LMBR1: variants seen among roughly 807,000 people sequenced by gnomAD.
LMBR1 encodes the protein limb development membrane protein 1.
Under a neutral mutation model 73.9 loss-of-function variants are expected in LMBR1, and 52 were observed. The observed-to-expected ratio is 0.70, with a 90% CI of 0.56 to 0.89. The LOEUF is 0.89. Ranked by LOEUF, LMBR1 falls within the 40% of genes least tolerant of loss-of-function variation. The probability of loss-of-function intolerance (pLI) is 0.00; values close to 1 mark genes in which losing one functional copy is unlikely to be tolerated. For missense variants in LMBR1, 539 were observed against 579.8 expected (o/e 0.93, Z 0.72); for synonymous variants, 215 against 209.4 (o/e 1.03, Z -0.23).
chr7:156,833,927 T>C, intron 2 of LMBR1, 135 bp from the exon 3 acceptor site: 1 of 602,014 alleles, frequency 1.7e-6, no homozygotes, highest in South Asian at 2.3e-5. Context: ...AGCACTGTAT[T>C]TGTTTCAGCA....
intron 1 of LMBR1, among the ~76,000 whole-genome samples, chr7:156,889,325 G>A (rs1802498534): frequency 2.6e-5 from 4 of 151,892 alleles, no homozygotes; most frequent in Middle Eastern, 3.4e-3. Flanking sequence ...TGTATTTAAC[G>A]CCACTGAACT....
intron 4 of LMBR1, among the ~76,000 whole-genome samples, chr7:156,811,372 G>A (rs1833066534): frequency 6.6e-6 from 1 of 151,844 alleles, no homozygotes; most frequent in Admixed American, 6.6e-5. Context: ...AGCACTTTGG[G>A]AGGCCGAGGC....
chr7:156,833,895 T>C (rs569621235), intron 2 of LMBR1, 103 bp from the exon 3 acceptor site: 3 of 738,162 alleles, frequency 4.1e-6, no homozygotes, highest in Admixed American at 6.5e-5. Flanking sequence ...AGGCAATTAT[T>C]GAACAGAAAC....
At position 156,670,599 on chromosome 7, in the gene LMBR1, C is replaced by G. The variant is rs575709634; in HGVS notation, n.867-1312G>C. Among the ~76,000 whole-genome samples the G allele has an allele frequency of 6.6e-6, 1 of 152,146 alleles. No individual in the cohort carries two copies. The highest frequency in any genetic ancestry group is 1.5e-5 in the Non-Finnish European group (1 of 68,038). ...TAGTGAGCCTGCAGAACACAAAGCACGGAGTCATCTTGGAAGTGGCCAGGA... is the reference window on the plus strand; with the variant it reads ...TAGTGAGCCTGCAGAACACAAAGCAGGGAGTCATCTTGGAAGTGGCCAGGA... On this transcript the variant is annotated intron_variant and non_coding_transcript_variant, in intron 4 of 4. Coordinates refer to the LMBR1 transcript ENST00000430825. This position sits in a 1 kb window ranked among gnomAD's most constrained non-coding sequence, Gnocchi z 4.3.
chr7:156,702,695 G>C (rs1178689041), intron 15 of LMBR1, among the ~76,000 whole-genome samples: 2 of 152,198 alleles, frequency 1.3e-5, no homozygotes, highest in East Asian at 1.9e-4. Flanking sequence ...AGCAGAGAAG[G>C]TTTTTTAAAA....
intron 5 of LMBR1, among the ~76,000 whole-genome samples, chr7:156,791,448 A>G (rs1033688894): frequency 3.9e-5 from 6 of 152,138 alleles, no homozygotes; most frequent in African/African-American, 9.7e-5. Flanking sequence ...CACTGGGGGG[A>G]AAAAGTCATC....
chr7:156,871,122 C>T (rs899569996), intron 1 of LMBR1, among the ~76,000 whole-genome samples: 1 of 152,066 alleles, frequency 6.6e-6, no homozygotes, highest in Admixed American at 6.5e-5. Context: ...ACAACTGATG[C>T]CTCCAAAATA....
intron 1 of LMBR1, among the ~76,000 whole-genome samples, chr7:156,889,946 G>C (rs1312573672): frequency 6.6e-6 from 1 of 152,112 alleles, no homozygotes; most frequent in Non-Finnish European, 1.5e-5. Flanking sequence ...CAAGGCTGCA[G>C]TGAGCCATGA....
At chr7:156,691,943 C>A (rs1807280222) in intron 15 of LMBR1, among the ~76,000 whole-genome samples, 1 of 152,146 alleles carries the variant, frequency 6.6e-6, no homozygotes, top group Non-Finnish European at 1.5e-5. Flanking sequence ...AATCTACAGT[C>A]ATTTTAAAAC....
chr7:156,681,363 T>C lies in LMBR1; in HGVS notation c.*2715A>G. ...ACCTTAGTGCAGCAATTTAAGGAGC[T>C]AACATTAGTGTGTATGTGTGTACAA... On this transcript the variant is annotated 3_prime_UTR_variant, in exon 17 of 17. Transcript: ENST00000353442. 1 of 289,864 alleles carries C rather than the reference T, an allele frequency of 3.4e-6. No individual in the cohort carries two copies. Among genetic ancestry groups the C allele is most frequent in the Non-Finnish European group, 6.7e-6 (1 of 149,584 alleles). 18.0% of individuals were successfully genotyped at this position (289,864 alleles called of 1,614,324 possible).
chr7:156,704,227 A>G (rs1810418456), intron 15 of LMBR1, among the ~76,000 whole-genome samples: 1 of 152,184 alleles, frequency 6.6e-6, no homozygotes, highest in Non-Finnish European at 1.5e-5. Flanking sequence ...ACTGCTACCA[A>G]TGAAACCTGA....
At chr7:156,824,500 A>G (rs1033177905) in intron 4 of LMBR1, among the ~76,000 whole-genome samples, 1 of 152,212 alleles carries the variant, frequency 6.6e-6, no homozygotes, top group Non-Finnish European at 1.5e-5. Context: ...AAGAATATAC[A>G]TTATTAGTCT....
Position 156,833,983 on chromosome 7 carries a change from G to C in LMBR1, c.140-191C>G, listed in dbSNP as rs17837699. On this transcript the variant is annotated intron_variant, in intron 2 of 16. Coordinates refer to ENST00000353442, the MANE Select transcript of LMBR1 (RefSeq NM_022458.4). ...ATTAAATCAAGTAGTATGGTATATA[G>C]AGAATGGGATGTTTCAATTAACAAA... is the stretch of plus-strand genomic sequence containing the variant. Among the ~76,000 whole-genome samples, 4,507 of 152,198 alleles carry C rather than the reference G, an allele frequency of 0.03. 231 individuals carry two copies. Among genetic ancestry groups the C allele is most frequent in the East Asian group, 0.22 (1,155 of 5,180 alleles).
At chr7:156,778,894 A>C (rs1032321694) in intron 5 of LMBR1, among the ~76,000 whole-genome samples, 11 of 152,206 alleles carry the variant, frequency 7.2e-5, no homozygotes, top group Non-Finnish European at 1.2e-4. Flanking sequence ...TTTTCCATTA[A>C]GGGTCAGAAT....
intron 3 of LMBR1, among the ~76,000 whole-genome samples, chr7:156,827,469 C>T (rs1175060337): frequency 6.6e-6 from 1 of 152,034 alleles, no homozygotes; most frequent in Non-Finnish European, 1.5e-5. Flanking sequence ...ACAAAAAAAT[C>T]CAGCATAACA....
chr7:156,686,813 GAT>G (rs1297803374), intron 16 of LMBR1, among the ~76,000 whole-genome samples: 4 of 152,236 alleles, frequency 2.6e-5, no homozygotes, highest in African/African-American at 7.2e-5. Flanking sequence ...TAATCTTGCT[GAT>G]ATTATAACAG....
intron 5 of LMBR1, among the ~76,000 whole-genome samples, chr7:156,793,232 TACACAGGTAGTTAAC>T (rs1321068887): frequency 1.3e-5 from 2 of 152,222 alleles, no homozygotes; most frequent in Admixed American, 6.5e-5. Flanking sequence ...ATTTAGAACT[TACACAGGTAGTTAAC>T]AAATGATTCT....
At chr7:156,762,525 A>G (rs1465909483) in intron 7 of LMBR1, among the ~76,000 whole-genome samples, 1 of 152,242 alleles carries the variant, frequency 6.6e-6, no homozygotes, top group Admixed American at 6.5e-5. Flanking sequence ...AGCAAAGAAC[A>G]GGTTAAATTT....
At chr7:156,757,893 C>T (rs549496598) in intron 8 of LMBR1, among the ~76,000 whole-genome samples, 9 of 152,286 alleles carry the variant, frequency 5.9e-5, no homozygotes, top group South Asian at 2.1e-4. Flanking sequence ...GGCACACATA[C>T]CAACTCGATC....
Sources: gnomAD v4.1 joint callset for allele counts (sites outside exome capture counted in the v4.1 genomes callset) on GRCh38, gnomAD v4.1.1 for gene constraint, Gnocchi (gnomAD v3.1) non-coding constraint, MANE v1.5 for transcripts, NCBI Gene and HGNC (gene_info 2026-07-23, HGNC 2026-07-21) for gene names.